LUZP2: variants seen among roughly 807,000 people sequenced by gnomAD.
LUZP2 encodes leucine zipper protein 2.
In LUZP2, 52 loss-of-function variants were observed where a neutral mutation model predicts 51.6. That is an observed-to-expected ratio of 1.01 (90% CI 0.81 to 1.27). The LOEUF (loss-of-function observed/expected upper bound fraction) is 1.27. Ranked by LOEUF, LUZP2 falls within the 50% of genes most tolerant of loss-of-function variation. The pLI is 0.00. For missense variants in LUZP2, 436 were observed against 395.4 expected (o/e 1.10, Z -0.87); for synonymous variants, 154 against 137.3 (o/e 1.12, Z -0.85).
chr11:24,978,587 CT>C (rs1054027611), intron 8 of LUZP2, among the ~76,000 whole-genome samples: 6 of 151,682 alleles, frequency 4.0e-5, no homozygotes, highest in Admixed American at 6.6e-5. Context: ...TTTGAAATGC[CT>C]TTTTTGTGGC....
At chr11:24,812,047 C>T (rs1167542301) in intron 5 of LUZP2, among the ~76,000 whole-genome samples, 1 of 152,162 alleles carries the variant, frequency 6.6e-6, no homozygotes, top group Admixed American at 6.6e-5. Flanking sequence ...AGAATTATTT[C>T]ATCGACAATA....
intron 1 of LUZP2, among the ~76,000 whole-genome samples, chr11:24,572,838 C>A (rs10834391): frequency 0.58 from 88,149 of 151,802 alleles, 26,263 homozygotes; most frequent in East Asian, 0.8. Context: ...TTGTACTGTG[C>A]AGAAAATTTT....
chr11:24,859,948 G>A (rs1465389432), intron 5 of LUZP2, among the ~76,000 whole-genome samples: 3 of 143,178 alleles, frequency 2.1e-5, no homozygotes, highest in Non-Finnish European at 4.6e-5. Flanking sequence ...CCAGAGGGAG[G>A]GGCGACAAGA....
At chr11:24,531,065 T>TATTATTA in intron 1 of LUZP2, among the ~76,000 whole-genome samples, 1 of 145,766 alleles carries the variant, frequency 6.9e-6, no homozygotes, top group East Asian at 2.0e-4. Context: ...TTATTATTAT[T>TATTATTA]TTGCCAGTGG....
intron 1 of LUZP2, among the ~76,000 whole-genome samples, chr11:24,724,484 A>G (rs1255562988): frequency 2.0e-5 from 3 of 152,092 alleles, no homozygotes; most frequent in Admixed American, 6.5e-5. Context: ...AGGTGGGAGG[A>G]TGGTTTGAGC....
Position 25,074,591 on chromosome 11 carries a change from T to G in LUZP2, c.859-2738T>G, listed in dbSNP as rs907451134. ...TCTCGTAGTGTTTTCCTCATGACAA[T>G]GACCTCAAGTGAAGCTTTACACATA... On this transcript the variant is annotated intron_variant, in intron 10 of 11. Transcript: ENST00000336930. Among the ~76,000 whole-genome samples, 5 of 152,138 alleles carry G rather than the reference T, an allele frequency of 3.3e-5. No homozygotes were observed. In the East Asian group the frequency reaches 9.6e-4, roughly 29 times the overall value.
chr11:24,731,158 T>C lies in LUZP2; in HGVS notation c.181-960T>C, dbSNP rs147948687. Among the ~76,000 whole-genome samples the C allele has an allele frequency of 2.8e-3, 422 of 151,816 alleles. 6 individuals are homozygous for C. The highest frequency in any genetic ancestry group is 9.6e-3 in the African/African-American group (400 of 41,498). ...CACTTCATTCCTGTTATAATACTTA[T>C]CATACTACATTAAAATTGTTGATTT... On this transcript the variant is annotated intron_variant, in intron 2 of 11. Coordinates refer to ENST00000336930, the MANE Select transcript of LUZP2 (RefSeq NM_001009909.4).
intron 5 of LUZP2, among the ~76,000 whole-genome samples, chr11:24,821,854 C>T (rs1431930081): frequency 6.7e-6 from 1 of 149,470 alleles, no homozygotes; most frequent in Non-Finnish European, 1.5e-5. Context: ...ATGACAATGA[C>T]ATTATATGCC....
intron 1 of LUZP2, among the ~76,000 whole-genome samples, chr11:24,594,539 C>A (rs1321231871): frequency 6.6e-6 from 1 of 152,092 alleles, no homozygotes; most frequent in African/African-American, 2.4e-5. Flanking sequence ...GATAAACAGC[C>A]TTTCTCTCTC....
intron 5 of LUZP2, among the ~76,000 whole-genome samples, chr11:24,877,824 T>G (rs983433401): frequency 6.6e-6 from 1 of 152,156 alleles, no homozygotes; most frequent in African/African-American, 2.4e-5. Context: ...ATTGTTTTAA[T>G]TTTTAGTCCT....
At chr11:24,676,665 T>G (rs1246498323) in intron 1 of LUZP2, among the ~76,000 whole-genome samples, 4 of 100,862 alleles carry the variant, frequency 4.0e-5, no homozygotes, top group Admixed American at 9.7e-5. Flanking sequence ...TTGTTTGTTT[T>G]TTTTTTGTTT....
chr11:24,975,075 T>C (rs1176108069), intron 7 of LUZP2, among the ~76,000 whole-genome samples: 1 of 151,982 alleles, frequency 6.6e-6, no homozygotes, highest in Non-Finnish European at 1.5e-5. Flanking sequence ...ATTAATATGT[T>C]GATTAATATA....
At chr11:24,841,054 G>T (rs1851013201) in intron 5 of LUZP2, among the ~76,000 whole-genome samples, 2 of 151,894 alleles carry the variant, frequency 1.3e-5, no homozygotes, top group East Asian at 1.9e-4. Flanking sequence ...GTAATGAAAT[G>T]ACTTTGGAGT....
chr11:24,859,928 A>AACTGCTTTAGCCT (rs145390482), intron 5 of LUZP2, among the ~76,000 whole-genome samples: 23,611 of 152,176 alleles, frequency 0.16, 1,973 homozygotes, highest in African/African-American at 0.21. Flanking sequence ...CTCAGCAGGA[A>AACTGCTTTAGCCT]ACTCAACTCC....
At chr11:25,054,490 G>A (rs1432478681) in intron 10 of LUZP2, among the ~76,000 whole-genome samples, 1 of 151,914 alleles carries the variant, frequency 6.6e-6, no homozygotes, top group African/African-American at 2.4e-5. Flanking sequence ...TTTTTTGTGT[G>A]TGTCTGTGGA....
intron 1 of LUZP2, among the ~76,000 whole-genome samples, chr11:24,507,640 C>T (rs1850181855): frequency 6.6e-6 from 1 of 151,996 alleles, no homozygotes; most frequent in Non-Finnish European, 1.5e-5. Context: ...CTCTCCCTCC[C>T]TAGCTTTTAT....
intron 9 of LUZP2, among the ~76,000 whole-genome samples, chr11:24,983,670 AT>A (rs922056865): frequency 5.2e-4 from 77 of 149,158 alleles, no homozygotes; most frequent in Admixed American, 3.7e-3. Context: ...AAGGTAAATC[AT>A]TTTTTTTTTC....
intron 1 of LUZP2, among the ~76,000 whole-genome samples, chr11:24,511,317 T>C (rs963280518): frequency 2.0e-5 from 3 of 152,136 alleles, no homozygotes; most frequent in Non-Finnish European, 4.4e-5. Flanking sequence ...CTTTCTGATG[T>C]TGGTGACAAG....
intron 1 of LUZP2, among the ~76,000 whole-genome samples, chr11:24,499,110 G>A (rs1164939008): frequency 1.3e-5 from 2 of 152,104 alleles, no homozygotes; most frequent in African/African-American, 4.8e-5. Flanking sequence ...ACAAAAACTG[G>A]AATAATCATC....
Sources: gnomAD v4.1 joint callset for allele counts (sites outside exome capture counted in the v4.1 genomes callset) on GRCh38, gnomAD v4.1.1 for gene constraint, MANE v1.5 for transcripts, NCBI Gene and HGNC (gene_info 2026-07-23, HGNC 2026-07-21) for gene names.